The following ULK4 variants were observed in gnomAD, a reference collection of about 807,000 sequenced individuals.
ULK4 encodes the protein unc-51 like kinase 4, also known as inactive serine/threonine-protein kinase ULK4.
In ULK4, 133 loss-of-function variants were observed where a neutral mutation model predicts 160.6. The ratio of observed to expected loss-of-function variants is 0.83; its 90% CI spans 0.72 to 0.96. The LOEUF (loss-of-function observed/expected upper bound fraction) is 0.96, where lower values mean the gene tolerates loss of function less well. ULK4 is among the 40% of genes least tolerant of loss of function. The pLI, the probability that ULK4 is intolerant of heterozygous loss-of-function variation, is 0.00. For missense variants in ULK4, 1,580 were observed against 1,499.5 expected (o/e 1.05, Z -0.89); for synonymous variants, 534 against 539.8 (o/e 0.99, Z 0.15).
intron 35 of ULK4, among the ~76,000 whole-genome samples, chr3:41,268,251 G>T (rs2079078209): frequency 6.6e-6 from 1 of 152,208 alleles, no homozygotes; most frequent in South Asian, 2.1e-4. Flanking sequence ...GTCACGCTGT[G>T]TTGCCTTCTC....
At chr3:41,447,396 G>A (rs1215545146) in intron 34 of ULK4, among the ~76,000 whole-genome samples, 2 of 151,906 alleles carry the variant, frequency 1.3e-5, no homozygotes, top group Admixed American at 6.6e-5. Context: ...CTCATATCCC[G>A]CCACATAAAT....
At chr3:41,453,750 T>G (rs2083474293) in intron 34 of ULK4, among the ~76,000 whole-genome samples, 2 of 152,168 alleles carry the variant, frequency 1.3e-5, no homozygotes. Context: ...TTGTTCACTT[T>G]ATTTCTTATA....
chr3:41,427,633 C>G (rs2082807669), intron 34 of ULK4, among the ~76,000 whole-genome samples: 1 of 152,138 alleles, frequency 6.6e-6, no homozygotes, highest in African/African-American at 2.4e-5. Context: ...AGTCAATAAA[C>G]ATAATTCATC....
At chr3:41,271,660 T>A (rs2079140194) in intron 35 of ULK4, among the ~76,000 whole-genome samples, 1 of 151,310 alleles carries the variant, frequency 6.6e-6, no homozygotes, top group African/African-American at 2.4e-5. Flanking sequence ...TCCCAAAGTG[T>A]TGGGATTACA....
chr3:41,854,441 G>A (rs1442074794), intron 17 of ULK4, among the ~76,000 whole-genome samples: 1 of 152,194 alleles, frequency 6.6e-6, no homozygotes, highest in Non-Finnish European at 1.5e-5. Context: ...GTAAAGGCCA[G>A]TAGCAGCCCT....
At chr3:41,397,119 A>T (rs1000864978) in intron 35 of ULK4, among the ~76,000 whole-genome samples, 6 of 152,144 alleles carry the variant, frequency 3.9e-5, no homozygotes, top group Non-Finnish European at 7.4e-5. Context: ...AAACCAGAAG[A>T]TGATAGGTGA....
At chr3:41,570,701 T>C (rs1239713671) in intron 31 of ULK4, among the ~76,000 whole-genome samples, 1 of 152,204 alleles carries the variant, frequency 6.6e-6, no homozygotes, top group Non-Finnish European at 1.5e-5. Flanking sequence ...AAGCCAATAC[T>C]CCAGCTTTTC....
At position 41,401,039 on chromosome 3, in the gene ULK4, G is replaced by A. The variant is rs111372392; in HGVS notation, c.3493-2775C>T. ...AAAGTTCTTTAAATAGTCTAGATAC[G>A]CCTTAGATATATAGTTTTGCAAATA... On this transcript the variant is annotated intron_variant, in intron 34 of 36. Coordinates refer to ENST00000301831, the MANE Select transcript of ULK4 (RefSeq NM_017886.4). Among the ~76,000 whole-genome samples the A allele has an allele frequency of 3.1e-3, 474 of 152,056 alleles. 4 individuals are homozygous for A. In the South Asian group the frequency reaches 0.04, roughly 13 times the overall value.
chr3:41,486,330 T>G (rs1004674768), intron 32 of ULK4, among the ~76,000 whole-genome samples: 5 of 152,278 alleles, frequency 3.3e-5, no homozygotes, highest in South Asian at 2.1e-4. Flanking sequence ...TTCTAGAAAT[T>G]TGTTGCCAAT....
intron 29 of ULK4, 114 bp downstream of exon 29, chr3:41,681,394 A>G: frequency 7.2e-7 from 1 of 1,384,490 alleles, no homozygotes; most frequent in Non-Finnish European, 9.9e-7. Flanking sequence ...ACACAAGCAT[A>G]TGTGTATAAA....
chr3:41,605,374 T>C (rs1196676081), intron 31 of ULK4, among the ~76,000 whole-genome samples: 2 of 151,886 alleles, frequency 1.3e-5, no homozygotes, highest in Non-Finnish European at 2.9e-5. Context: ...CAATTTTGAA[T>C]ATAAAGGCAT....
chr3:41,292,326 AAGGATCAAATG>A (rs1456264703), intron 35 of ULK4, among the ~76,000 whole-genome samples: 2 of 152,214 alleles, frequency 1.3e-5, no homozygotes, highest in African/African-American at 4.8e-5. Flanking sequence ...AGAGGCTCAG[AAGGATCAAATG>A]ACTTGCCAAC....
chr3:41,299,430 A>T (rs951406578), intron 35 of ULK4, among the ~76,000 whole-genome samples: 2 of 152,222 alleles, frequency 1.3e-5, no homozygotes, highest in African/African-American at 4.8e-5. Flanking sequence ...GAGTTCAGGT[A>T]TTCCAAATCT....
chr3:41,826,160 C>T (rs1184015237), intron 18 of ULK4, among the ~76,000 whole-genome samples: 1 of 152,118 alleles, frequency 6.6e-6, no homozygotes, highest in Non-Finnish European at 1.5e-5. Flanking sequence ...CTGAAGGAAG[C>T]ACTAAACATG....
intron 30 of ULK4, among the ~76,000 whole-genome samples, chr3:41,655,454 C>T (rs146881396): frequency 6.6e-6 from 1 of 151,770 alleles, no homozygotes; most frequent in African/African-American, 2.4e-5. Context: ...GTGCAGCACA[C>T]CAACATGGCA....
intron 27 of ULK4, 119 bp downstream of exon 27, chr3:41,704,938 G>A (rs2036817605): frequency 1.4e-6 from 1 of 694,528 alleles, no homozygotes; most frequent in South Asian, 2.4e-5. Context: ...GGGGGGTTCT[G>A]AATGGTTATT....
chr3:41,497,438 T>C lies in ULK4; in HGVS notation c.3227-34185A>G, dbSNP rs992467684. Among the ~76,000 whole-genome samples the C allele has an allele frequency of 2.5e-4, 38 of 151,842 alleles. 1 individual carries two copies. Among genetic ancestry groups the C allele is most frequent in the African/African-American group, 8.9e-4 (37 of 41,420 alleles). Reference sequence around the variant, plus strand: ...ATATCTATATACATAATAATTGGGGTTCAAGAGGAAAAAGAAAGAATGGAA... The same window carrying C: ...ATATCTATATACATAATAATTGGGGCTCAAGAGGAAAAAGAAAGAATGGAA... On this transcript the variant is annotated intron_variant, in intron 32 of 36. Transcript: ENST00000301831.
In ULK4 at chr3:41,914,420, C is replaced by T. The variant is rs570715996; in HGVS notation, c.804-1521G>A. 1.8e-3 allele frequency among the ~76,000 whole-genome samples: 281 copies of T among 152,238 alleles called. 1 individual carries two copies. Among genetic ancestry groups the T allele is most frequent in the Non-Finnish European group, 3.6e-3 (242 of 68,016 alleles). ...GACAAAAATGTAGATCAACAAGGCACACTGTAGATGAGAGTGGGAGGGAAG... is the reference window on the plus strand; with the variant it reads ...GACAAAAATGTAGATCAACAAGGCATACTGTAGATGAGAGTGGGAGGGAAG... On this transcript the variant is annotated intron_variant, in intron 8 of 36. Coordinates refer to ENST00000301831, the MANE Select transcript of ULK4 (RefSeq NM_017886.4).
intron 32 of ULK4, among the ~76,000 whole-genome samples, chr3:41,533,165 C>T (rs922864277): frequency 1.3e-5 from 2 of 151,404 alleles, no homozygotes; most frequent in East Asian, 2.0e-4. Flanking sequence ...CTGTGGAGCC[C>T]AGATCATGCT....
Sources: allele counts gnomAD v4.1 joint callset (sites outside exome capture counted in the v4.1 genomes callset), GRCh38; gene constraint gnomAD v4.1.1; transcripts MANE v1.5; gene names NCBI Gene and HGNC (gene_info 2026-07-23, HGNC 2026-07-21).